NRAP: variants seen among roughly 807,000 people sequenced by gnomAD.
NRAP encodes the protein nebulin-related-anchoring protein.
NRAP carries 189 observed loss-of-function variants against 225.9 expected under a neutral mutation model. The ratio of observed to expected loss-of-function variants is 0.84; its 90% CI spans 0.74 to 0.94. NRAP has a LOEUF of 0.94. NRAP is among the 40% of genes least tolerant of loss of function. NRAP has a pLI of 0.00. For synonymous variants in NRAP, 769 were observed against 790.7 expected, an observed-to-expected ratio of 0.97 and a Z score of 0.46; for missense variants, 2,176 against 2,168.7, an observed-to-expected ratio of 1.00 and a Z score of -0.07.
At chr10:113,635,654 T>C (rs1848828456) in intron 14 of NRAP, among the ~76,000 whole-genome samples, 1 of 152,066 alleles carries the variant, frequency 6.6e-6, no homozygotes, top group African/African-American at 2.4e-5. Flanking sequence ...TCTGGAACCC[T>C]TGGCCTCAAG....
chr10:113,624,810 C>A lies in NRAP; in HGVS notation c.2349+16G>T. On this transcript the variant is annotated intron_variant, in intron 22 of 41. Transcript: ENST00000359988. ...AGGGGAGCAGAGTTCTTGCTGCCCA[C>A]TCATTCTCTCTGTACCTCGCTGAGA... 1 of 1,595,672 alleles carries A rather than the reference C, an allele frequency of 6.3e-7. No homozygotes were observed.
chr10:113,603,705 C>T lies in NRAP; in HGVS notation c.4227+904G>A, dbSNP rs373406879. ...GGCCTCAAACAGGCCAAGGCTGCTC[C>T]TTCACTTCAGCCTCAAACAGGTCAA... On this transcript the variant is annotated intron_variant, in intron 35 of 41. Coordinates refer to ENST00000359988, the MANE Select transcript of NRAP (RefSeq NM_198060.4). Among the ~76,000 whole-genome samples the T allele has an allele frequency of 1.4e-4, 21 of 152,276 alleles. No individual in the cohort carries two copies. The East Asian group carries it at 1.7e-3, about 13-fold the overall frequency.
intron 23 of NRAP, among the ~76,000 whole-genome samples, chr10:113,622,742 CT>C (rs1253834203): frequency 6.6e-6 from 1 of 152,202 alleles, no homozygotes; most frequent in Non-Finnish European, 1.5e-5. Context: ...TCTGCCACCA[CT>C]TATCGAACAC....
At chr10:113,589,613 G>T in intron 41 of NRAP, 53 bp downstream of exon 41, 1 of 1,542,734 alleles carries the variant, frequency 6.5e-7, no homozygotes, top group Non-Finnish European at 8.7e-7. Context: ...CAATGAGTTT[G>T]TCTTTCCCCA....
intron 35 of NRAP, among the ~76,000 whole-genome samples, chr10:113,604,122 C>T (rs2419846): frequency 0.51 from 77,424 of 151,824 alleles, 20,353 homozygotes; most frequent in East Asian, 0.71. Context: ...TCAATAAAGA[C>T]TGTTTTTTTT....
At chr10:113,662,894 A>T in intron 2 of NRAP, 128 bp from the exon 3 acceptor site, 1 of 489,720 alleles carries the variant, frequency 2.0e-6, no homozygotes. Flanking sequence ...AAACTTAAAA[A>T]TTAAGTTCGT....
intron 16 of NRAP, among the ~76,000 whole-genome samples, chr10:113,632,536 GTCTC>G (rs1848633002): frequency 6.7e-6 from 1 of 150,224 alleles, no homozygotes; most frequent in African/African-American, 2.5e-5. Flanking sequence ...CTGAACCTAG[GTCTC>G]TCTGACACCA....
chr10:113,597,227 A>G, intron 36 of NRAP, 43 bp from the exon 37 acceptor site: 1 of 1,228,330 alleles, frequency 8.1e-7, no homozygotes, highest in Non-Finnish European at 1.2e-6. Context: ...ACAGTCCAAC[A>G]TCATGCATCT....
At chr10:113,639,973 A>G (rs566275542) in intron 14 of NRAP, among the ~76,000 whole-genome samples, 1 of 152,380 alleles carries the variant, frequency 6.6e-6, no homozygotes, top group South Asian at 2.1e-4. Context: ...TTCTAAGAGG[A>G]AAAACTGAAC....
At chr10:113,661,309 A>G (rs1850662076) in intron 3 of NRAP, among the ~76,000 whole-genome samples, 2 of 152,330 alleles carry the variant, frequency 1.3e-5, no homozygotes, top group Admixed American at 1.3e-4. Flanking sequence ...TATGCTTGTT[A>G]AATAAAAGAA....
At chr10:113,662,915 G>C in intron 2 of NRAP, 149 bp from the exon 3 acceptor site, 2 of 467,106 alleles carry the variant, frequency 4.3e-6, no homozygotes, top group Non-Finnish European at 7.4e-6. Context: ...GATTTTCCAG[G>C]CAATGCATCT....
intron 22 of NRAP, 33 bp downstream of exon 22, chr10:113,624,793 A>G (rs1199326790): frequency 6.7e-7 from 1 of 1,500,590 alleles, no homozygotes; most frequent in African/African-American, 1.4e-5. Flanking sequence ...AAAGGGGAGC[A>G]GAGTTCTTGC....
rs770812224 is a variant in NRAP, at chr10:113,605,834, A to G, written c.3843T>C (p.Ala1281=). The change falls in exon 34 of 42, where the codon GCT becomes GCC. Residue 1281 remains alanine (A), a synonymous_variant. Transcript: ENST00000359988. ...RYKESWRNLR[A]QGYKLTIEAL... is the part of the protein sequence containing the mutation. Reference sequence around the variant, plus strand: ...CTTCTATTGTCAGCTTGTAGCCTTGAGCACGAAGATTACGCCAGGACTCTT... The same window carrying G: ...CTTCTATTGTCAGCTTGTAGCCTTGGGCACGAAGATTACGCCAGGACTCTT... The G allele has an allele frequency of 5.0e-6, 8 of 1,614,040 alleles. No individual in the cohort carries two copies. Among genetic ancestry groups the G allele is most frequent in the African/African-American group, 2.7e-5 (2 of 74,946 alleles).
intron 22 of NRAP, among the ~76,000 whole-genome samples, chr10:113,624,078 C>A (rs1286714119): frequency 6.6e-6 from 1 of 152,176 alleles, no homozygotes; most frequent in African/African-American, 2.4e-5. Flanking sequence ...TTTCCTTGCG[C>A]CTCCTGTTCT....
In NRAP at chr10:113,605,842, G is replaced by A. The variant is rs1333121492; in HGVS notation, c.3835C>T (p.Leu1279Phe). The change falls in exon 34 of 42, where the codon CTT becomes TTT. Residue 1279 changes from leucine (L) to phenylalanine (F), a missense_variant. Leu to Phe is a conservative substitution (Grantham distance 22, BLOSUM62 0). This residue lies in a region of NRAP where 1,708 missense variants were observed against 1,695.5 expected (regional missense o/e 1.01). Transcript: ENST00000359988. ...DARYKESWRN[L>F]RAQGYKLTIE... ...GTCAGCTTGTAGCCTTGAGCACGAAGATTACGCCAGGACTCTTTGTATCTT... is the reference window on the plus strand; with the variant it reads ...GTCAGCTTGTAGCCTTGAGCACGAAAATTACGCCAGGACTCTTTGTATCTT... The A allele has an allele frequency of 2.5e-6, 4 of 1,614,080 alleles. No homozygotes were observed. The highest frequency in any genetic ancestry group is 1.7e-5 in the Admixed American group (1 of 60,030).
chr10:113,620,508 T>G, intron 25 of NRAP, 96 bp downstream of exon 25: 1 of 916,092 alleles, frequency 1.1e-6, no homozygotes, highest in Non-Finnish European at 1.8e-6. Flanking sequence ...CTTTGCCTTT[T>G]TCTTTGCCTT....
At chr10:113,604,122 CTG>C (rs756045679) in intron 35 of NRAP, among the ~76,000 whole-genome samples, 177 of 151,904 alleles carry the variant, frequency 1.2e-3, no homozygotes, top group Non-Finnish European at 2.3e-3. Context: ...TCAATAAAGA[CTG>C]TTTTTTTTCT....
rs543756902 is a variant in NRAP at position 113,606,246 on chromosome 10, C to T, written c.3739G>A (p.Glu1247Lys). The stretch of plus-strand genomic sequence containing the variant: ...GGCAGACCCAGGGTCATTGTATACT[C>T]GTGTCTTGCATCCTCTCCAGCTGCT... ...YKAAGEDARHEYTMTLGLPEF... is the reference protein window; with the variant it reads ...YKAAGEDARHKYTMTLGLPEF... The change falls in exon 33 of 42, where the codon GAG becomes AAG. Residue 1247 changes from glutamate to lysine, a missense_variant. Around this residue, in one of 3 missense-constraint regions of NRAP, gnomAD observed 1,708 missense variants for 1,695.5 expected, o/e 1.01. Coordinates refer to ENST00000359988, the MANE Select transcript of NRAP (RefSeq NM_198060.4). 1.3e-5 allele frequency: 21 copies of T among 1,614,066 alleles called. No individual in the cohort carries two copies. Among genetic ancestry groups the T allele is most frequent in the East Asian group, 2.2e-5 (1 of 44,888 alleles).
chr10:113,663,329 T>C (rs1485230214), intron 2 of NRAP, 23 bp downstream of exon 2: 10 of 1,352,404 alleles, frequency 7.4e-6, no homozygotes, highest in Non-Finnish European at 1.1e-5. Context: ...CAAGAGGTAG[T>C]GGTGGGGGCA....
Sources: allele counts gnomAD v4.1 joint callset (sites outside exome capture counted in the v4.1 genomes callset), GRCh38; gene constraint gnomAD v4.1.1; regional missense constraint gnomAD v4.1.1; transcripts MANE v1.5; gene names NCBI Gene and HGNC (gene_info 2026-07-23, HGNC 2026-07-21).